Variants in MYT1L observed in about 807,000 individuals in gnomAD.
MYT1L encodes the protein myelin transcription factor 1-like protein.
Under a neutral mutation model 126.7 loss-of-function variants are expected in MYT1L, and 12 were observed. That is an observed-to-expected ratio of 0.09 (90% CI 0.06 to 0.15). The LOEUF (loss-of-function observed/expected upper bound fraction) is 0.15. Ranked by LOEUF, MYT1L falls within the 10% of genes least tolerant of loss-of-function variation. The probability of loss-of-function intolerance (pLI) is 1.00; values close to 1 mark genes in which losing one functional copy is unlikely to be tolerated. For synonymous variants in MYT1L, 541 were observed against 604.2 expected, an observed-to-expected ratio of 0.90 and a Z score of 1.53; for missense variants, 979 against 1,585.2, an observed-to-expected ratio of 0.62 and a Z score of 6.49.
At chr2:2,310,695 C>T (rs2095952640) in intron 1 of MYT1L, among the ~76,000 whole-genome samples, 1 of 152,158 alleles carries the variant, frequency 6.6e-6, no homozygotes, top group Admixed American at 6.6e-5. Flanking sequence ...AAAATTTTAA[C>T]ACCTAACTTA....
At chr2:2,166,448 A>G (rs761233473) in intron 3 of MYT1L, among the ~76,000 whole-genome samples, 21 of 152,228 alleles carry the variant, frequency 1.4e-4, no homozygotes, top group Non-Finnish European at 2.2e-4. Context: ...GTGTATTATA[A>G]TGAGGGGAGA....
intron 2 of MYT1L, among the ~76,000 whole-genome samples, chr2:2,192,952 C>G (rs1168195337): frequency 6.6e-6 from 1 of 152,098 alleles, no homozygotes; most frequent in Middle Eastern, 3.2e-3. Flanking sequence ...TGTATACTCC[C>G]TGGCTCTTCA....
chr2:2,186,983 AAAT>A (rs2092258108), intron 2 of MYT1L, among the ~76,000 whole-genome samples: 2 of 151,988 alleles, frequency 1.3e-5, no homozygotes, highest in South Asian at 4.2e-4. Flanking sequence ...TTGGAAAACA[AAAT>A]AAAGAATTTT....
intron 4 of MYT1L, among the ~76,000 whole-genome samples, chr2:2,008,030 G>T (rs2063491614): frequency 6.6e-6 from 1 of 152,220 alleles, no homozygotes; most frequent in Non-Finnish European, 1.5e-5. Flanking sequence ...CCTACGATTG[G>T]CTTTTTGAGG....
intron 8 of MYT1L, among the ~76,000 whole-genome samples, chr2:1,965,149 A>T (rs1483934056): frequency 6.6e-6 from 1 of 151,862 alleles, no homozygotes; most frequent in East Asian, 1.9e-4. Flanking sequence ...GCACTCTGTG[A>T]CTTGCAGGGA....
intron 3 of MYT1L, among the ~76,000 whole-genome samples, chr2:2,144,801 A>C (rs1198911741): frequency 6.6e-6 from 1 of 152,228 alleles, no homozygotes; most frequent in Non-Finnish European, 1.5e-5. Context: ...GCTAGCCAGC[A>C]TCTTTCTGCG....
intron 9 of MYT1L, among the ~76,000 whole-genome samples, chr2:1,924,309 T>C (rs1252618697): frequency 6.6e-6 from 1 of 152,188 alleles, no homozygotes; most frequent in Admixed American, 6.5e-5. Context: ...TCCATGTACA[T>C]TGCAAAATAT....
intron 4 of MYT1L, among the ~76,000 whole-genome samples, chr2:2,036,806 A>C (rs2066905867): frequency 6.6e-6 from 1 of 152,212 alleles, no homozygotes; most frequent in South Asian, 2.1e-4. Context: ...ATCAAACTTA[A>C]GACATAAACA....
rs55838351 is a variant in MYT1L, at chr2:2,068,769, G to GTTTTTTTT, written c.-303-14654_-303-14647dup. 8.8e-3 allele frequency among the ~76,000 whole-genome samples: 231 copies of GTTTTTTTT among 26,188 alleles called. 19 individuals are homozygous for GTTTTTTTT. The highest frequency in any genetic ancestry group is 0.019 in the East Asian group (10 of 514). 17.2% of individuals were successfully genotyped at this position (26,188 alleles called of 152,430 possible). On this transcript the variant is annotated intron_variant, in intron 3 of 24. Transcript: ENST00000647738. ...GGACACAGACACCTGTGTTCTTCTT[G>GTTTTTTTT]TTTTTTTTTTTTTTTTTTTTTTTTT...
At chr2:1,812,411 GA>G (rs2148025482) in intron 21 of MYT1L, among the ~76,000 whole-genome samples, 1 of 152,352 alleles carries the variant, frequency 6.6e-6, no homozygotes, top group East Asian at 1.9e-4. Context: ...GAGTGCTGGA[GA>G]TGGAATAGGT....
chr2:2,181,283 C>T (rs886940721), intron 2 of MYT1L, among the ~76,000 whole-genome samples: 2 of 150,768 alleles, frequency 1.3e-5, no homozygotes, highest in African/African-American at 2.4e-5. Flanking sequence ...TACCCGTGTG[C>T]GTGCACCTGT....
intron 5 of MYT1L, 89 bp downstream of exon 5, chr2:1,997,102 C>T (rs1425320853): frequency 2.1e-5 from 3 of 139,642 alleles, no homozygotes; most frequent in Non-Finnish European, 4.6e-5. Context: ...TGTACAGAAC[C>T]GAGTGTAGAC....
chr2:2,279,601 G>A (rs111314230), intron 2 of MYT1L, among the ~76,000 whole-genome samples: 10 of 150,944 alleles, frequency 6.6e-5, no homozygotes, highest in African/African-American at 2.2e-4. Context: ...AGGAAGGAAG[G>A]AAGGAAGGAA....
intron 8 of MYT1L, among the ~76,000 whole-genome samples, chr2:1,954,092 T>C (rs1172461780): frequency 6.6e-6 from 1 of 152,164 alleles, no homozygotes; most frequent in Non-Finnish European, 1.5e-5. Flanking sequence ...GGGAGAAAGC[T>C]TGAAAATCAC....
At chr2:2,277,532 T>C (rs746684963) in intron 2 of MYT1L, among the ~76,000 whole-genome samples, 3 of 152,242 alleles carry the variant, frequency 2.0e-5, no homozygotes, top group Non-Finnish European at 4.4e-5. Flanking sequence ...TACATGCTCA[T>C]GTTGCCACAG....
chr2:2,180,628 C>G (rs2091334566), intron 2 of MYT1L, among the ~76,000 whole-genome samples: 1 of 121,456 alleles, frequency 8.2e-6, no homozygotes, highest in Non-Finnish European at 1.8e-5. Context: ...CTGTGTGTAG[C>G]TGTGTGTGCA....
rs1428585824 is a variant in MYT1L at position 1,831,057 on chromosome 2, G to A, written c.3080+8092C>T. ...GTCTCCAATTCCCTGTGTGTCCTTG[G>A]CATGGCCGTGATTCCCTTGGAATCC... On this transcript the variant is annotated intron_variant, in intron 21 of 24. Coordinates refer to ENST00000647738, the MANE Select transcript of MYT1L (RefSeq NM_001303052.2). Among the ~76,000 whole-genome samples the A allele has an allele frequency of 2.0e-5, 3 of 152,170 alleles. No homozygotes were observed. The East Asian group carries it at 5.8e-4, about 29-fold the overall frequency.
Position 2,150,952 on chromosome 2 carries a change from T to C in MYT1L, c.-304+21920A>G, listed in dbSNP as rs183027956. On this transcript the variant is annotated intron_variant, in intron 3 of 24. Transcript: ENST00000647738. ...GGGAGATGGAGGGAAGACAAAAGAA[T>C]GGAAAAAGACAATGTGACAAATTTC... Among the ~76,000 whole-genome samples the C allele has an allele frequency of 1.9e-3, 294 of 151,468 alleles. 2 individuals are homozygous for C. The highest frequency in any genetic ancestry group is 6.7e-3 in the African/African-American group (275 of 41,272).
At chr2:1,961,021 G>C (rs1325916904) in intron 8 of MYT1L, among the ~76,000 whole-genome samples, 5 of 152,370 alleles carry the variant, frequency 3.3e-5, no homozygotes, top group East Asian at 1.9e-4. Flanking sequence ...TTCTGAAAGA[G>C]AGCTGTGCGT....
Sources: allele counts gnomAD v4.1 joint callset (sites outside exome capture counted in the v4.1 genomes callset), GRCh38; gene constraint gnomAD v4.1.1; transcripts MANE v1.5; gene names NCBI Gene and HGNC (gene_info 2026-07-23, HGNC 2026-07-21).